The following DTWD2 variants were observed in gnomAD, a reference collection of about 807,000 sequenced individuals.
DTWD2 encodes tRNA-uridine aminocarboxypropyltransferase 2.
Under a neutral mutation model 31.8 loss-of-function variants are expected in DTWD2, and 39 were observed. That is an observed-to-expected ratio of 1.22 (90% CI 0.95 to 1.60). The LOEUF (loss-of-function observed/expected upper bound fraction) is 1.60, where lower values mean the gene tolerates loss of function less well. Ranked by LOEUF, DTWD2 falls within the 40% of genes most tolerant of loss-of-function variation. DTWD2 has a pLI of 0.00. For missense variants in DTWD2, 515 were observed against 381.5 expected, an observed-to-expected ratio of 1.35 and a Z score of -2.92; for synonymous variants, 180 against 142.8, an observed-to-expected ratio of 1.26 and a Z score of -1.86.
intron 4 of DTWD2, among the ~76,000 whole-genome samples, chr5:118,865,382 T>C (rs1464287978): frequency 1.3e-5 from 2 of 152,166 alleles, no homozygotes; most frequent in Non-Finnish European, 2.9e-5. Flanking sequence ...AGTACTTCTA[T>C]CTTTACTTTC....
intron 4 of DTWD2, among the ~76,000 whole-genome samples, chr5:118,921,091 GTTCC>G (rs924207921): frequency 6.6e-6 from 1 of 152,108 alleles, no homozygotes; most frequent in African/African-American, 2.4e-5. Context: ...GGAAGCAAAT[GTTCC>G]TTCAAGTTAA....
chr5:118,923,604 C>G (rs1373138702), intron 4 of DTWD2, among the ~76,000 whole-genome samples: 1 of 152,196 alleles, frequency 6.6e-6, no homozygotes, highest in African/African-American at 2.4e-5. Context: ...CAAGGTAATA[C>G]ATTCTCTTTG....
chr5:118,918,076 G>T (rs1159140909), intron 4 of DTWD2, among the ~76,000 whole-genome samples: 1 of 152,130 alleles, frequency 6.6e-6, no homozygotes, highest in Non-Finnish European at 1.5e-5. Flanking sequence ...AACACATGGG[G>T]ATTAGAATTC....
Position 118,948,038 on chromosome 5 carries a change from G to C in DTWD2, c.219-3389C>G, listed in dbSNP as rs554230628. ...TTATAAAAACATATTGTAATAGGTA[G>C]TTCATCTACTAAAGGTTAGAAATCA... On this transcript the variant is annotated intron_variant, in intron 1 of 5. Coordinates refer to ENST00000510708, the MANE Select transcript of DTWD2 (RefSeq NM_173666.4). Among the ~76,000 whole-genome samples the C allele has an allele frequency of 2.8e-4, 42 of 152,284 alleles. No homozygotes were observed. The South Asian group carries it at 4.8e-3, about 17-fold the overall frequency.
Position 118,988,426 on chromosome 5 carries a change from T to C in DTWD2, c.86A>G (p.Lys29Arg), listed in dbSNP as rs1170089760. The C allele has an allele frequency of 1.9e-6, 3 of 1,606,984 alleles. No individual in the cohort carries two copies. The highest frequency in any genetic ancestry group is 3.3e-5 in the Admixed American group (2 of 59,716). ...CACTGCGCCGCCCTCCCGCCGCTCCTTGTCGTTCGGCGTCTGAGAGCTTGA... is the reference window on the plus strand; with the variant it reads ...CACTGCGCCGCCCTCCCGCCGCTCCCTGTCGTTCGGCGTCTGAGAGCTTGA... ...GASSSQTPND[K>R]ERREGGAVPA... The change falls in exon 1 of 6, where the codon AAG (lysine) becomes AGG (arginine). Residue 29 changes from lysine to arginine, a missense_variant. Transcript: ENST00000510708.
At chr5:118,940,689 T>C (rs985371316) in intron 2 of DTWD2, among the ~76,000 whole-genome samples, 1 of 152,176 alleles carries the variant, frequency 6.6e-6, no homozygotes, top group African/African-American at 2.4e-5. Flanking sequence ...ATTTTACTAA[T>C]GAGGAAACTG....
rs1204538877 is a variant in DTWD2, at chr5:118,840,915, T to C, written c.*2A>G. ...TAAGCTAGCACCAAAAGAATAACTG[T>C]ACTAAATTTTAACACTATTCATTAA... On this transcript the variant is annotated 3_prime_UTR_variant, in exon 6 of 6. Transcript: ENST00000510708. 9 of 1,612,432 alleles carry C rather than the reference T, an allele frequency of 5.6e-6. No individual in the cohort carries two copies. Among genetic ancestry groups the C allele is most frequent in the African/African-American group, 1.3e-5 (1 of 74,878 alleles).
In DTWD2 at chr5:118,840,759, A is replaced by G; in HGVS notation, c.*158T>C. 1 of 692,884 alleles carries G rather than the reference A, an allele frequency of 1.4e-6. No homozygotes were observed. The highest frequency in any genetic ancestry group is 3.4e-5 in the East Asian group (1 of 29,006). 42.9% of individuals were successfully genotyped at this position (692,884 alleles called of 1,614,324 possible). ...AGCCAGTGAATTTCTGTTTATTTGT[A>G]TTTATGAATATTTGGTTTACTTCCT... On this transcript the variant is annotated 3_prime_UTR_variant, in exon 6 of 6. Transcript: ENST00000510708.
intron 2 of DTWD2, 150 bp from the exon 3 acceptor site, chr5:118,939,440 TTC>T (rs1403520178): frequency 1.6e-6 from 1 of 634,140 alleles, no homozygotes; most frequent in East Asian, 3.2e-5. Context: ...GAGGTAAAAT[TTC>T]TCTGATTTAT....
At chr5:118,929,248 C>A (rs1286433952) in intron 3 of DTWD2, among the ~76,000 whole-genome samples, 5 of 152,220 alleles carry the variant, frequency 3.3e-5, no homozygotes, top group Non-Finnish European at 1.5e-5. Context: ...GGACTCCATA[C>A]TTCTATATTT....
intron 1 of DTWD2, among the ~76,000 whole-genome samples, chr5:118,960,149 G>A (rs1211193824): frequency 2.6e-5 from 4 of 152,022 alleles, no homozygotes; most frequent in Non-Finnish European, 1.5e-5. Context: ...AGAGTAAACA[G>A]ACAACTCACA....
intron 4 of DTWD2, among the ~76,000 whole-genome samples, chr5:118,863,617 T>C (rs1187449216): frequency 6.6e-6 from 1 of 152,142 alleles, no homozygotes; most frequent in African/African-American, 2.4e-5. Flanking sequence ...AATAAAAAAA[T>C]TTCCAGTTCA....
rs926142831 is a variant in DTWD2, at chr5:118,836,778, C to G, written c.*4139G>C. ...TGAAGACACAGCTAGAATGCACCAT[C>G]TATGAACCAGTGAGTGGGCCCCTCA... On this transcript the variant is annotated 3_prime_UTR_variant, in exon 6 of 6. Coordinates refer to ENST00000510708, the MANE Select transcript of DTWD2 (RefSeq NM_173666.4). Among the ~76,000 whole-genome samples the G allele has an allele frequency of 1.3e-5, 2 of 152,188 alleles. No individual in the cohort carries two copies. The highest frequency in any genetic ancestry group is 4.8e-5 in the African/African-American group (2 of 41,446).
intron 5 of DTWD2, among the ~76,000 whole-genome samples, chr5:118,842,595 T>C (rs1421806684): frequency 6.6e-6 from 1 of 152,014 alleles, no homozygotes; most frequent in Non-Finnish European, 1.5e-5. Context: ...GAAAACCCCA[T>C]GTGAATTAAC....
chr5:118,921,023 T>C (rs889697995), intron 4 of DTWD2, among the ~76,000 whole-genome samples: 4 of 152,296 alleles, frequency 2.6e-5, no homozygotes, highest in Non-Finnish European at 5.9e-5. Context: ...CTTTTGCATA[T>C]AGGAAGATCA....
chr5:118,893,154 TG>T (rs1369577330), intron 4 of DTWD2, among the ~76,000 whole-genome samples: 26 of 151,880 alleles, frequency 1.7e-4, no homozygotes, highest in African/African-American at 6.3e-4. Flanking sequence ...GGCGAGCCAA[TG>T]CTTAAGATCA....
chr5:118,844,471 A>C (rs963605888), intron 5 of DTWD2, among the ~76,000 whole-genome samples: 1 of 152,172 alleles, frequency 6.6e-6, no homozygotes, highest in Non-Finnish European at 1.5e-5. Context: ...ACAGGCAAAA[A>C]TTAGAGAGGA....
rs1246627984 is a variant in DTWD2, at chr5:118,836,741, C to T, written c.*4176G>A. Reference sequence around the variant, plus strand: ...AAGGGTCTCAGAGAGCTAGCTCGACCCTTCCACTAGGTGAAGACACAGCTA... The same window carrying T: ...AAGGGTCTCAGAGAGCTAGCTCGACTCTTCCACTAGGTGAAGACACAGCTA... On this transcript the variant is annotated 3_prime_UTR_variant, in exon 6 of 6. Coordinates refer to ENST00000510708, the MANE Select transcript of DTWD2 (RefSeq NM_173666.4). 6.6e-6 allele frequency among the ~76,000 whole-genome samples: 1 copy of T among 152,126 alleles called. No individual in the cohort carries two copies. The highest frequency in any genetic ancestry group is 1.5e-5 in the Non-Finnish European group (1 of 68,018).
chr5:118,855,719 C>T (rs1248569886), intron 4 of DTWD2, among the ~76,000 whole-genome samples: 1 of 152,072 alleles, frequency 6.6e-6, no homozygotes, highest in Non-Finnish European at 1.5e-5. Context: ...AAACATTTTG[C>T]ATTTGTTATT....
Sources: allele counts gnomAD v4.1 joint callset (sites outside exome capture counted in the v4.1 genomes callset), GRCh38; gene constraint gnomAD v4.1.1; transcripts MANE v1.5; gene names NCBI Gene and HGNC (gene_info 2026-07-23, HGNC 2026-07-21).